MAGI2: variants seen among roughly 807,000 people sequenced by gnomAD.
MAGI2 encodes membrane-associated guanylate kinase, WW and PDZ domain-containing protein 2.
Under a neutral mutation model 133.3 loss-of-function variants are expected in MAGI2, and 35 were observed. That is an observed-to-expected ratio of 0.26 (90% CI 0.20 to 0.35). MAGI2 has a LOEUF of 0.35. Among genes scored for constraint, MAGI2 ranks in the 10% least tolerant of loss-of-function variants. MAGI2 has a pLI of 1.00. For missense variants in MAGI2, 1,636 were observed against 1,863.4 expected, an observed-to-expected ratio of 0.88 and a Z score of 2.25; for synonymous variants, 729 against 710.6, an observed-to-expected ratio of 1.03 and a Z score of -0.41.
intron 2 of MAGI2, among the ~76,000 whole-genome samples, chr7:78,752,479 T>C (rs1024603486): frequency 6.6e-6 from 1 of 152,138 alleles, no homozygotes; most frequent in African/African-American, 2.4e-5. Flanking sequence ...GGTGTGCACC[T>C]GTAATCCCAG....
chr7:78,931,262 AT>A lies in MAGI2; in HGVS notation c.418+75827del, dbSNP rs34593077. ...TTCACTGATTCAATGACTGGATTTG[AT>A]TTTTTTTTAAAAGGGATGGTAGGCT... On this transcript the variant is annotated intron_variant, in intron 2 of 21. Transcript: ENST00000354212. 5.7e-4 allele frequency among the ~76,000 whole-genome samples: 86 copies of A among 151,726 alleles called. No homozygotes were observed. The East Asian group carries it at 0.013, about 23-fold the overall frequency.
intron 2 of MAGI2, among the ~76,000 whole-genome samples, chr7:78,691,870 T>A (rs980647420): frequency 1.3e-4 from 20 of 152,262 alleles, no homozygotes; most frequent in Admixed American, 1.3e-3. Flanking sequence ...GAATGTACAA[T>A]ACCAAGAGGG....
intron 2 of MAGI2, among the ~76,000 whole-genome samples, chr7:78,944,529 C>CATGATT (rs1801250216): frequency 6.6e-6 from 1 of 151,864 alleles, no homozygotes; most frequent in African/African-American, 2.4e-5. Flanking sequence ...AATACCCAAG[C>CATGATT]CTGTTTCAAT....
At chr7:78,392,005 C>T (rs1327311658) in intron 6 of MAGI2, among the ~76,000 whole-genome samples, 4 of 152,184 alleles carry the variant, frequency 2.6e-5, no homozygotes, top group Non-Finnish European at 4.4e-5. Context: ...AGAGCTGAAA[C>T]TGGCCAGACA....
rs553941795 is a variant in MAGI2 at position 78,441,175 on chromosome 7, G to A, written c.1045+48586C>T. 3.3e-5 allele frequency among the ~76,000 whole-genome samples: 5 copies of A among 152,222 alleles called. No individual in the cohort carries two copies. The South Asian group carries it at 1.0e-3, about 32-fold the overall frequency. On this transcript the variant is annotated intron_variant, in intron 6 of 21. Coordinates refer to ENST00000354212, the MANE Select transcript of MAGI2 (RefSeq NM_012301.4). The stretch of plus-strand genomic sequence containing the variant: ...ATCCTGCACAATTTGGTCTCAAGCT[G>A]CCTTCTAAGTTTTCTACTTGTTTGC...
chr7:78,622,923 G>A (rs955460838), intron 3 of MAGI2, among the ~76,000 whole-genome samples: 6 of 151,912 alleles, frequency 3.9e-5, no homozygotes, highest in Non-Finnish European at 4.4e-5. Context: ...TGCACACTAG[G>A]CCAATTAAGA....
intron 1 of MAGI2, among the ~76,000 whole-genome samples, chr7:79,024,526 C>T (rs1406814630): frequency 2.6e-5 from 4 of 151,266 alleles, no homozygotes; most frequent in African/African-American, 9.7e-5. Flanking sequence ...CAAAACAAAA[C>T]AAAACAAAAC....
rs1380980195 is a variant in MAGI2 at position 78,167,819 on chromosome 7, A to C, written c.2596+97T>G. ...GTTTCCTTCCTCATATAATGTAGAA[A>C]TGGATTTAAAATTTTGTTTCATGTG... On this transcript the variant is annotated intron_variant, in intron 15 of 21. Coordinates refer to ENST00000354212, the MANE Select transcript of MAGI2 (RefSeq NM_012301.4). 4.5e-6 allele frequency: 5 copies of C among 1,111,478 alleles called. No individual in the cohort carries two copies. In the East Asian group the frequency reaches 1.2e-4, roughly 27 times the overall value. The allele number at this position is 1,111,478 out of a possible 1,614,324, so 68.9% of individuals were successfully genotyped here. A position where few individuals can be genotyped will look rare whatever the true frequency, so the allele number is the denominator to read the frequency against.
chr7:78,593,728 A>C (rs1445357562), intron 3 of MAGI2, among the ~76,000 whole-genome samples: 1 of 152,222 alleles, frequency 6.6e-6, no homozygotes, highest in Non-Finnish European at 1.5e-5. Flanking sequence ...AAAGCAAAAG[A>C]TACTTGCGTT....
intron 1 of MAGI2, among the ~76,000 whole-genome samples, chr7:79,306,318 A>G (rs996112563): frequency 2.2e-5 from 3 of 138,652 alleles, no homozygotes; most frequent in Non-Finnish European, 4.6e-5. Context: ...TATTTTATAT[A>G]TATGTGTATA....
chr7:79,286,752 G>T (rs1342564182), intron 1 of MAGI2, among the ~76,000 whole-genome samples: 2 of 152,020 alleles, frequency 1.3e-5, no homozygotes, highest in African/African-American at 2.4e-5. Flanking sequence ...TTTGGATGCA[G>T]ATCAGTCCAG....
intron 1 of MAGI2, among the ~76,000 whole-genome samples, chr7:79,244,069 T>C (rs568514938): frequency 1.3e-5 from 2 of 152,296 alleles, no homozygotes; most frequent in South Asian, 4.1e-4. Context: ...GCCTATGAGG[T>C]CTTTGTATAA....
intron 2 of MAGI2, among the ~76,000 whole-genome samples, chr7:78,755,488 A>G (rs1823859956): frequency 6.6e-6 from 1 of 152,206 alleles, no homozygotes; most frequent in Non-Finnish European, 1.5e-5. Context: ...TGTTTCATTT[A>G]ATGTAATAAA....
intron 1 of MAGI2, among the ~76,000 whole-genome samples, chr7:79,162,815 C>A (rs1039739556): frequency 1.3e-4 from 20 of 152,148 alleles, no homozygotes; most frequent in South Asian, 4.1e-4. Context: ...GTAACACAAA[C>A]CAAACTTACA....
chr7:79,443,275 TGTGTGTGTGC>T (rs1180501452), intron 1 of MAGI2, among the ~76,000 whole-genome samples: 1 of 107,040 alleles, frequency 9.3e-6, no homozygotes, highest in Non-Finnish European at 2.1e-5. Context: ...TGTGTGTGTG[TGTGTGTGTGC>T]GTGTGTGTGT....
chr7:78,718,270 AGTG>A (rs1412709259), intron 2 of MAGI2, among the ~76,000 whole-genome samples: 7 of 152,188 alleles, frequency 4.6e-5, no homozygotes, highest in Non-Finnish European at 8.8e-5. Context: ...TTATGTTTCC[AGTG>A]TAGTCACACC....
chr7:78,684,096 T>C (rs1207611076), intron 2 of MAGI2, among the ~76,000 whole-genome samples: 1 of 152,134 alleles, frequency 6.6e-6, no homozygotes, highest in African/African-American at 2.4e-5. Flanking sequence ...CTAAGCCCAA[T>C]ATAGTATGTA....
At chr7:78,090,341 G>T (rs898553781) in intron 20 of MAGI2, among the ~76,000 whole-genome samples, 2 of 152,288 alleles carry the variant, frequency 1.3e-5, no homozygotes, top group Non-Finnish European at 2.9e-5. Context: ...GTGTATCTTT[G>T]TATCTTCTAG....
chr7:78,688,749 G>T (rs1461979141), intron 2 of MAGI2, among the ~76,000 whole-genome samples: 3 of 152,186 alleles, frequency 2.0e-5, no homozygotes, highest in African/African-American at 7.2e-5. Context: ...TAAGAAGTAT[G>T]AATAGAAATA....
Sources: allele counts gnomAD v4.1 joint callset (sites outside exome capture counted in the v4.1 genomes callset), GRCh38; gene constraint gnomAD v4.1.1; transcripts MANE v1.5; gene names NCBI Gene and HGNC (gene_info 2026-07-23, HGNC 2026-07-21).